SLC35F3: variants seen among roughly 807,000 people sequenced by gnomAD.
SLC35F3 encodes the protein solute carrier family 35 member F3.
Under a neutral mutation model 49.9 loss-of-function variants are expected in SLC35F3, and 25 were observed. The ratio of observed to expected loss-of-function variants is 0.50; its 90% CI spans 0.37 to 0.70. The LOEUF (loss-of-function observed/expected upper bound fraction) is 0.70, where lower values mean the gene tolerates loss of function less well. Ranked by LOEUF, SLC35F3 falls within the 30% of genes least tolerant of loss-of-function variation. The pLI is 0.00. For missense variants in SLC35F3, 525 were observed against 639.8 expected, an observed-to-expected ratio of 0.82 and a Z score of 1.94; for synonymous variants, 275 against 265.4, an observed-to-expected ratio of 1.04 and a Z score of -0.35.
At chr1:234,108,363 T>G (rs1226729044) in intron 2 of SLC35F3, among the ~76,000 whole-genome samples, 4 of 104,186 alleles carry the variant, frequency 3.8e-5, no homozygotes, top group African/African-American at 1.3e-4. Context: ...TTTATATATA[T>G]GATATATATT....
intron 2 of SLC35F3, among the ~76,000 whole-genome samples, chr1:234,087,791 C>T (rs1222776745): frequency 6.6e-6 from 1 of 152,212 alleles, no homozygotes; most frequent in African/African-American, 2.4e-5. Context: ...CCTCTGCCCT[C>T]TCTGTTACAG....
chr1:234,233,987 T>G (rs1667424686), intron 3 of SLC35F3, among the ~76,000 whole-genome samples: 2 of 152,150 alleles, frequency 1.3e-5, no homozygotes, highest in African/African-American at 2.4e-5. Context: ...TGAAGAGAGA[T>G]CCTTCCTCAA....
chr1:234,261,517 A>G (rs780483665), intron 3 of SLC35F3, among the ~76,000 whole-genome samples: 58 of 152,188 alleles, frequency 3.8e-4, no homozygotes, highest in Non-Finnish European at 7.5e-4. Flanking sequence ...TAATTAGTGT[A>G]TAATGAGCAG....
chr1:234,137,009 G>A (rs943889525), intron 2 of SLC35F3, among the ~76,000 whole-genome samples: 3 of 152,184 alleles, frequency 2.0e-5, no homozygotes, highest in African/African-American at 7.2e-5. Flanking sequence ...TCCCGGTTTG[G>A]TACTGCCTTT....
At chr1:233,963,580 C>T (rs2102812962) in intron 2 of SLC35F3, among the ~76,000 whole-genome samples, 1 of 152,134 alleles carries the variant, frequency 6.6e-6, no homozygotes, top group African/African-American at 2.4e-5. Flanking sequence ...GGATTACAGG[C>T]ATGAGCCACC....
rs1447451028 is a variant in SLC35F3 at position 233,957,093 on chromosome 1, T to A, written c.283+51335T>A. Among the ~76,000 whole-genome samples the A allele has an allele frequency of 6.6e-6, 1 of 152,162 alleles. No homozygotes were observed. Among genetic ancestry groups the A allele is most frequent in the Non-Finnish European group, 1.5e-5 (1 of 68,030 alleles). ...GCCGGTTTTATTTTTCCTGGTATCC[T>A]CTCTCTTACCCCGAAGGTCCAGGAC... On this transcript the variant is annotated intron_variant, in intron 2 of 7. Coordinates refer to ENST00000366618, the MANE Select transcript of SLC35F3 (RefSeq NM_173508.4). The surrounding 1 kb of genome is among the most constrained non-coding windows in gnomAD (Gnocchi z 4.0).
chr1:233,918,100 C>G (rs1662000198), intron 2 of SLC35F3, among the ~76,000 whole-genome samples: 1 of 152,222 alleles, frequency 6.6e-6, no homozygotes, highest in Non-Finnish European at 1.5e-5. Context: ...TGATCCCCAC[C>G]TTTTCTTTGT....
At chr1:234,208,348 T>C (rs1283096490) in intron 2 of SLC35F3, among the ~76,000 whole-genome samples, 1 of 152,208 alleles carries the variant, frequency 6.6e-6, no homozygotes, top group Non-Finnish European at 1.5e-5. Context: ...GTCGTACATG[T>C]GAACCAGTCC....
intron 2 of SLC35F3, among the ~76,000 whole-genome samples, chr1:234,054,431 C>T (rs925532260): frequency 1.8e-4 from 27 of 152,190 alleles, no homozygotes; most frequent in African/African-American, 5.5e-4. Flanking sequence ...TTGATCGAAT[C>T]GGCTACTGAA....
At chr1:233,906,294 G>A (rs912992789) in intron 2 of SLC35F3, among the ~76,000 whole-genome samples, 9 of 152,144 alleles carry the variant, frequency 5.9e-5, no homozygotes, top group African/African-American at 2.2e-4. Context: ...CAGTAAGGAG[G>A]TTCTATAGGG....
chr1:234,111,172 A>T (rs546500236), intron 2 of SLC35F3, among the ~76,000 whole-genome samples: 1 of 152,122 alleles, frequency 6.6e-6, no homozygotes, highest in African/African-American at 2.4e-5. Flanking sequence ...TTATTTAATT[A>T]AAAAAATAAA....
At chr1:234,289,465 A>T (rs1668473339) in intron 3 of SLC35F3, among the ~76,000 whole-genome samples, 2 of 152,208 alleles carry the variant, frequency 1.3e-5, no homozygotes, top group Non-Finnish European at 2.9e-5. Flanking sequence ...GTACCTCTCT[A>T]TATAAAGGTG....
chr1:234,092,318 A>G (rs1256342648), intron 2 of SLC35F3, among the ~76,000 whole-genome samples: 1 of 152,176 alleles, frequency 6.6e-6, no homozygotes, highest in Non-Finnish European at 1.5e-5. Context: ...ATGTTACTCT[A>G]TTCTTAGAGT....
At chr1:234,090,611 A>C (rs1427572423) in intron 2 of SLC35F3, among the ~76,000 whole-genome samples, 1 of 152,190 alleles carries the variant, frequency 6.6e-6, no homozygotes, top group East Asian at 1.9e-4. Flanking sequence ...AGCATCATCA[A>C]GCTACATGGC....
intron 2 of SLC35F3, among the ~76,000 whole-genome samples, chr1:234,165,078 GT>G (rs1666294654): frequency 7.2e-6 from 1 of 138,072 alleles, no homozygotes; most frequent in South Asian, 2.2e-4. Context: ...GTGTGTGTGT[GT>G]GTGTGTAAAA....
chr1:233,947,255 AT>A (rs766392943), intron 2 of SLC35F3, among the ~76,000 whole-genome samples: 7 of 152,212 alleles, frequency 4.6e-5, no homozygotes, highest in Non-Finnish European at 7.3e-5. Flanking sequence ...TTTCTGATAT[AT>A]AATCCTAAAA....
chr1:234,106,083 A>G (rs1665280823), intron 2 of SLC35F3, among the ~76,000 whole-genome samples: 2 of 152,144 alleles, frequency 1.3e-5, no homozygotes, highest in Non-Finnish European at 2.9e-5. Context: ...ATTTATGACT[A>G]CGGTTTATTA....
chr1:234,118,363 G>A (rs548812497), intron 2 of SLC35F3, among the ~76,000 whole-genome samples: 1 of 152,204 alleles, frequency 6.6e-6, no homozygotes, highest in South Asian at 2.1e-4. Context: ...CATCTCCATT[G>A]ACACACAACC....
intron 3 of SLC35F3, among the ~76,000 whole-genome samples, chr1:234,302,772 T>C (rs1200742389): frequency 6.6e-6 from 1 of 152,156 alleles, no homozygotes; most frequent in African/African-American, 2.4e-5. Context: ...TCTCTCTCTC[T>C]CTGTGGTTTT....
Sources: allele counts gnomAD v4.1 joint callset (sites outside exome capture counted in the v4.1 genomes callset), GRCh38; gene constraint gnomAD v4.1.1; non-coding constraint Gnocchi (gnomAD v3.1); transcripts MANE v1.5; gene names NCBI Gene and HGNC (gene_info 2026-07-23, HGNC 2026-07-21).